Variants in ARID4B observed in about 807,000 individuals in gnomAD.
ARID4B encodes AT-rich interaction domain 4B, also known as AT-rich interactive domain-containing protein 4B.
ARID4B carries 26 observed loss-of-function variants against 147.5 expected under a neutral mutation model. The observed-to-expected ratio is 0.18, with a 90% CI of 0.13 to 0.24. The LOEUF (loss-of-function observed/expected upper bound fraction) is 0.24. ARID4B is among the 10% of genes least tolerant of loss of function. The probability of loss-of-function intolerance (pLI) is 1.00; values close to 1 mark genes in which losing one functional copy is unlikely to be tolerated. For synonymous variants in ARID4B, 512 were observed against 507.9 expected (o/e 1.01, Z -0.11); for missense variants, 1,179 against 1,511.5 (o/e 0.78, Z 3.65).
chr1:235,220,573 G>T (rs1300648702), intron 14 of ARID4B, 28 bp from the exon 15 acceptor site: 3 of 1,493,334 alleles, frequency 2.0e-6, no homozygotes, highest in African/African-American at 2.8e-5. Flanking sequence ...AATTACATTT[G>T]GTGAAAACAT....
chr1:235,194,456 G>A (rs184919763), intron 18 of ARID4B, among the ~76,000 whole-genome samples: 26 of 152,206 alleles, frequency 1.7e-4, no homozygotes, highest in African/African-American at 6.3e-4. Flanking sequence ...AATCAGATAG[G>A]TGATTAGGAC....
chr1:235,269,999 G>A lies in ARID4B; in HGVS notation c.7-9247C>T, dbSNP rs188778760. ...GTTACTGCATATTTTAAAACTCAAC[G>A]CCAGCCGGGCGCGGTGCCTCACGCC... On this transcript the variant is annotated intron_variant, in intron 2 of 23. Transcript: ENST00000264183. Among the ~76,000 whole-genome samples the A allele has an allele frequency of 1.3e-4, 19 of 151,706 alleles. No homozygotes were observed. In the East Asian group the frequency reaches 2.7e-3, roughly 22 times the overall value.
intron 2 of ARID4B, among the ~76,000 whole-genome samples, chr1:235,263,911 G>C (rs12730684): frequency 6.6e-6 from 1 of 151,650 alleles, no homozygotes; most frequent in African/African-American, 2.4e-5. Flanking sequence ...GGAGAATGGC[G>C]TGAACCTGGG....
At chr1:235,326,716 G>A in intron 2 of ARID4B, 198 bp downstream of exon 2, 2 of 620,732 alleles carry the variant, frequency 3.2e-6, no homozygotes, top group Non-Finnish European at 5.8e-6. Context: ...CTTCAGTTGA[G>A]ACATCCTATA....
At chr1:235,295,497 A>G (rs1193328576) in intron 2 of ARID4B, among the ~76,000 whole-genome samples, 1 of 141,494 alleles carries the variant, frequency 7.1e-6, no homozygotes, top group East Asian at 2.1e-4. Flanking sequence ...GGGGGGACAA[A>G]GCAAGACTCC....
intron 5 of ARID4B, 97 bp downstream of exon 5, chr1:235,255,563 G>T: frequency 5.7e-6 from 4 of 703,304 alleles, no homozygotes; most frequent in Non-Finnish European, 9.3e-6. Context: ...AATATCTAGG[G>T]TATTAAGAAG....
At chr1:235,266,341 C>T (rs1297853246) in intron 2 of ARID4B, among the ~76,000 whole-genome samples, 1 of 152,138 alleles carries the variant, frequency 6.6e-6, no homozygotes, top group Non-Finnish European at 1.5e-5. Context: ...AAAACTCTTG[C>T]CTTTTCTTTT....
At chr1:235,259,724 A>G (rs1016707150) in intron 3 of ARID4B, among the ~76,000 whole-genome samples, 1 of 152,204 alleles carries the variant, frequency 6.6e-6, no homozygotes, top group Admixed American at 6.5e-5. Context: ...CAGGAGTGTA[A>G]ATTAGAATCA....
intron 17 of ARID4B, among the ~76,000 whole-genome samples, chr1:235,207,383 G>A (rs183426673): frequency 3.3e-5 from 5 of 152,298 alleles, no homozygotes; most frequent in African/African-American, 4.8e-5. Flanking sequence ...AACCACGATC[G>A]GCTGCACAGG....
At chr1:235,272,149 C>T (rs1189080202) in intron 2 of ARID4B, among the ~76,000 whole-genome samples, 2 of 152,132 alleles carry the variant, frequency 1.3e-5, no homozygotes, top group African/African-American at 2.4e-5. Flanking sequence ...CACTAAGTCA[C>T]AAAATTCATT....
chr1:235,219,218 A>G (rs1380669463), intron 16 of ARID4B, among the ~76,000 whole-genome samples: 2 of 152,000 alleles, frequency 1.3e-5, no homozygotes, highest in Non-Finnish European at 2.9e-5. Context: ...AGACACTAAC[A>G]GATATGTTTA....
Position 235,177,710 on chromosome 1 carries a change from T to C in ARID4B, c.3448+90A>G, listed in dbSNP as rs1663989784. ...TACAGACAAAATCAAAATAGTGTACTATCCCATACCCTGAATACCATTTTC... is the reference window on the plus strand; with the variant it reads ...TACAGACAAAATCAAAATAGTGTACCATCCCATACCCTGAATACCATTTTC... On this transcript the variant is annotated intron_variant, in intron 21 of 23. Transcript: ENST00000264183. 3.8e-6 allele frequency: 3 copies of C among 784,688 alleles called. 1 individual carries two copies. The South Asian group carries it at 6.0e-5, about 16-fold the overall frequency. The allele number at this position is 784,688 out of a possible 1,614,324, so 48.6% of individuals were successfully genotyped here. A position where few individuals can be genotyped will look rare whatever the true frequency, so the allele number is the denominator to read the frequency against.
rs1228409825 is a variant in ARID4B, at chr1:235,182,647, A to G, written c.2272T>C (p.Ser758Pro). ...LISKEEQNSS[S>P]LLEENKVHAD... ...TGAACTTTGTTTTCTTCTAGCAAAG[A>G]TGAACTGTTCTGTTCCTCCTTTGAA... Residue 758 changes from serine to proline, a missense_variant, in exon 20 of 24, where the codon TCT (serine) becomes CCT (proline). Transcript: ENST00000264183. 6.2e-7 allele frequency: 1 copy of G among 1,613,858 alleles called. No homozygotes were observed. The highest frequency in any genetic ancestry group is 8.5e-7 in the Non-Finnish European group (1 of 1,180,014).
At chr1:235,308,911 G>T (rs1236425574) in intron 2 of ARID4B, among the ~76,000 whole-genome samples, 1 of 152,222 alleles carries the variant, frequency 6.6e-6, no homozygotes, top group Non-Finnish European at 1.5e-5. Flanking sequence ...TCTGGGAAGT[G>T]AGGAGCGTCT....
intron 2 of ARID4B, among the ~76,000 whole-genome samples, chr1:235,294,883 G>GA (rs1167276877): frequency 6.6e-6 from 1 of 151,312 alleles, no homozygotes; most frequent in Non-Finnish European, 1.5e-5. Context: ...AATTGAAAAG[G>GA]AAAAAACAGC....
At chr1:235,254,755 GAAT>G (rs1440927884) in intron 5 of ARID4B, among the ~76,000 whole-genome samples, 1 of 151,660 alleles carries the variant, frequency 6.6e-6, no homozygotes, top group Non-Finnish European at 1.5e-5. Flanking sequence ...AAAAGGGAAA[GAAT>G]AAAAGAGCCA....
At chr1:235,303,380 GAA>G (rs1298835922) in intron 2 of ARID4B, among the ~76,000 whole-genome samples, 3 of 141,576 alleles carry the variant, frequency 2.1e-5, no homozygotes, top group African/African-American at 5.2e-5. Flanking sequence ...AGAGGTGGGG[GAA>G]AAAAAAAAAA....
intron 2 of ARID4B, among the ~76,000 whole-genome samples, chr1:235,285,165 C>A (rs1671895247): frequency 6.6e-6 from 1 of 152,096 alleles, no homozygotes; most frequent in Admixed American, 6.5e-5. Flanking sequence ...TAAGCCAACC[C>A]AAAGTGCTGG....
chr1:235,301,936 G>A (rs552219825), intron 2 of ARID4B, among the ~76,000 whole-genome samples: 3 of 150,996 alleles, frequency 2.0e-5, no homozygotes, highest in Non-Finnish European at 3.0e-5. Flanking sequence ...CAGGTGATCC[G>A]CCCACCTCGG....
Sources: allele counts gnomAD v4.1 joint callset (sites outside exome capture counted in the v4.1 genomes callset), GRCh38; gene constraint gnomAD v4.1.1; transcripts MANE v1.5; gene names NCBI Gene and HGNC (gene_info 2026-07-23, HGNC 2026-07-21).